Variants in SLC24A3 observed in about 807,000 individuals in gnomAD.
SLC24A3 encodes the protein sodium/potassium/calcium exchanger 3.
A neutral mutation model predicts 75.8 loss-of-function variants in SLC24A3; 28 were observed. The ratio of observed to expected loss-of-function variants is 0.37; its 90% CI spans 0.27 to 0.51. SLC24A3 has a LOEUF of 0.51. SLC24A3 is among the 20% of genes least tolerant of loss of function. The pLI, the probability that SLC24A3 is intolerant of heterozygous loss-of-function variation, is 0.94. For synonymous variants in SLC24A3, 372 were observed against 334.1 expected (o/e 1.11, Z -1.24); for missense variants, 663 against 847.8 (o/e 0.78, Z 2.71).
chr20:19,609,921 A>G (rs1037699742), intron 6 of SLC24A3, among the ~76,000 whole-genome samples: 3 of 151,880 alleles, frequency 2.0e-5, no homozygotes, highest in Non-Finnish European at 2.9e-5. Flanking sequence ...TTGCCAACAA[A>G]TGGAACAGAC....
chr20:19,433,387 A>G (rs531007754), intron 2 of SLC24A3, among the ~76,000 whole-genome samples: 35 of 152,332 alleles, frequency 2.3e-4, no homozygotes, highest in Non-Finnish European at 4.6e-4. Context: ...GGGAAAACGC[A>G]CCAAGATTTG....
At position 19,405,723 on chromosome 20, in the gene SLC24A3, G is replaced by A. The variant is rs199741955; in HGVS notation, c.272-109765G>A. Among the ~76,000 whole-genome samples the A allele has an allele frequency of 1.5e-4, 23 of 152,310 alleles. No individual in the cohort carries two copies. The East Asian group carries it at 4.1e-3, about 27-fold the overall frequency. On this transcript the variant is annotated intron_variant, in intron 2 of 16. Coordinates refer to ENST00000328041, the MANE Select transcript of SLC24A3 (RefSeq NM_020689.4). Reference sequence around the variant, plus strand: ...CAACCAGTTTAAAACAAAATCACAAGCCTTGAAGAATTTGAAGAATTTAAA... The same window carrying A: ...CAACCAGTTTAAAACAAAATCACAAACCTTGAAGAATTTGAAGAATTTAAA...
At chr20:19,639,853 C>G (rs1462762122) in intron 6 of SLC24A3, among the ~76,000 whole-genome samples, 1 of 152,260 alleles carries the variant, frequency 6.6e-6, no homozygotes, top group East Asian at 1.9e-4. Context: ...CCCATTACAC[C>G]CTCCGCAGCC....
At chr20:19,305,265 C>G (rs765710084) in intron 2 of SLC24A3, among the ~76,000 whole-genome samples, 3 of 152,142 alleles carry the variant, frequency 2.0e-5, no homozygotes, top group Non-Finnish European at 4.4e-5. Flanking sequence ...TGGTTGCTTC[C>G]TGTGTAATTC....
At chr20:19,552,291 A>T (rs1289057380) in intron 3 of SLC24A3, among the ~76,000 whole-genome samples, 4 of 152,072 alleles carry the variant, frequency 2.6e-5, no homozygotes, top group Non-Finnish European at 5.9e-5. Flanking sequence ...TTCCCAAATC[A>T]CCAAGGACAG....
intron 6 of SLC24A3, among the ~76,000 whole-genome samples, chr20:19,633,681 A>C (rs113790379): frequency 0.044 from 6,615 of 149,194 alleles, 545 homozygotes; most frequent in African/African-American, 0.16. Context: ...GAATGCCAGT[A>C]GTATTGGATT....
In SLC24A3 at chr20:19,511,966, C is replaced by G. The variant is rs148423039; in HGVS notation, c.272-3522C>G. 2.9e-3 allele frequency among the ~76,000 whole-genome samples: 438 copies of G among 152,262 alleles called. 5 individuals carry two copies. The highest frequency in any genetic ancestry group is 9.2e-3 in the African/African-American group (384 of 41,556). On this transcript the variant is annotated intron_variant, in intron 2 of 16. Transcript: ENST00000328041. ...ACCGTTAGACTGTCCTCTGCCTTGC[C>G]CACCCTGACCCTGGAGCTCCCACAT...
At chr20:19,418,799 C>T (rs949437648) in intron 2 of SLC24A3, among the ~76,000 whole-genome samples, 1 of 152,000 alleles carries the variant, frequency 6.6e-6, no homozygotes, top group Non-Finnish European at 1.5e-5. Flanking sequence ...TTATATCAAA[C>T]CAAATAGCAA....
rs142270141 is a variant in SLC24A3 at position 19,367,867 on chromosome 20, T to C, written c.271+86780T>C. On this transcript the variant is annotated intron_variant, in intron 2 of 16. Transcript: ENST00000328041. ...AGCTAGTTCTGTTTTGGAATGATCC[T>C]TAGTGATGATCAACCAGCAGCCATC... 1.8e-3 allele frequency among the ~76,000 whole-genome samples: 281 copies of C among 152,294 alleles called. 2 individuals are homozygous for C. The highest frequency in any genetic ancestry group is 6.3e-3 in the African/African-American group (260 of 41,554).
intron 16 of SLC24A3, 84 bp downstream of exon 16, chr20:19,717,677 C>G (rs1259930500): frequency 6.7e-7 from 1 of 1,488,432 alleles, no homozygotes; most frequent in Non-Finnish European, 9.3e-7. Flanking sequence ...TGAGCTTGGT[C>G]TCCTGGTGAC....
At chr20:19,420,720 G>A (rs1351525372) in intron 2 of SLC24A3, among the ~76,000 whole-genome samples, 1 of 88,856 alleles carries the variant, frequency 1.1e-5, no homozygotes, top group African/African-American at 5.4e-5. Context: ...AACCAAAAAA[G>A]AGCCCGCATC....
At chr20:19,286,090 A>T (rs1410776680) in intron 2 of SLC24A3, among the ~76,000 whole-genome samples, 1 of 152,186 alleles carries the variant, frequency 6.6e-6, no homozygotes, top group Non-Finnish European at 1.5e-5. Context: ...ATAAAGGATC[A>T]TCCCACTCTG....
At chr20:19,513,143 A>C (rs1367164190) in intron 2 of SLC24A3, among the ~76,000 whole-genome samples, 1 of 152,152 alleles carries the variant, frequency 6.6e-6, no homozygotes, top group Non-Finnish European at 1.5e-5. Flanking sequence ...CTCCTCCAGG[A>C]GAGTGGCAGC....
intron 1 of SLC24A3, among the ~76,000 whole-genome samples, chr20:19,252,645 G>GGGGT (rs1555783969): frequency 2.1e-4 from 32 of 149,842 alleles, no homozygotes; most frequent in African/African-American, 7.6e-4. Flanking sequence ...TGGAATGGCG[G>GGGGT]GGGGGGGTGC....
intron 6 of SLC24A3, among the ~76,000 whole-genome samples, chr20:19,648,302 T>A (rs1364179565): frequency 3.3e-5 from 5 of 152,180 alleles, no homozygotes; most frequent in African/African-American, 1.2e-4. Context: ...GCTGTAGAAA[T>A]TGTGTCAGCT....
intron 1 of SLC24A3, among the ~76,000 whole-genome samples, chr20:19,275,964 C>A (rs989201905): frequency 2.6e-5 from 4 of 152,190 alleles, no homozygotes; most frequent in Admixed American, 2.6e-4. Flanking sequence ...CAGGGCCTGG[C>A]AGATGAGGAG....
At chr20:19,501,946 T>C (rs6112417) in intron 2 of SLC24A3, among the ~76,000 whole-genome samples, 2,084 of 152,136 alleles carry the variant, frequency 0.014, 19 homozygotes, top group Middle Eastern at 0.034. Flanking sequence ...ATGGAGGACT[T>C]AATGTGGCTA....
chr20:19,390,046 C>T (rs1986339694), intron 2 of SLC24A3, among the ~76,000 whole-genome samples: 1 of 152,164 alleles, frequency 6.6e-6, no homozygotes, highest in Non-Finnish European at 1.5e-5. Flanking sequence ...TGTTCTTTAG[C>T]TCCAGAATTT....
chr20:19,306,144 T>G (rs1361653446), intron 2 of SLC24A3, among the ~76,000 whole-genome samples: 1 of 152,194 alleles, frequency 6.6e-6, no homozygotes, highest in Non-Finnish European at 1.5e-5. Context: ...CACTAATGAT[T>G]AGAGAAATGC....
Sources: allele counts gnomAD v4.1 joint callset (sites outside exome capture counted in the v4.1 genomes callset), GRCh38; gene constraint gnomAD v4.1.1; transcripts MANE v1.5; gene names NCBI Gene and HGNC (gene_info 2026-07-23, HGNC 2026-07-21).